OCA2: variants seen among roughly 807,000 people sequenced by gnomAD.
The protein encoded by OCA2 is P protein.
Under a neutral mutation model 100.2 loss-of-function variants are expected in OCA2, and 77 were observed. The observed-to-expected ratio is 0.77, with a 90% CI of 0.64 to 0.93. The LOEUF is 0.93. OCA2 is among the 40% of genes least tolerant of loss of function. The pLI is 0.00. For missense variants in OCA2, 1,062 were observed against 1,089.1 expected, an observed-to-expected ratio of 0.98 and a Z score of 0.35; for synonymous variants, 432 against 439.2, an observed-to-expected ratio of 0.98 and a Z score of 0.21.
intron 23 of OCA2, among the ~76,000 whole-genome samples, chr15:27,758,559 A>G (rs1477387614): frequency 6.6e-6 from 1 of 152,264 alleles, no homozygotes; most frequent in Non-Finnish European, 1.5e-5. Flanking sequence ...ATTTCAAAGC[A>G]GCTACCATAA....
intron 18 of OCA2, among the ~76,000 whole-genome samples, chr15:27,927,377 T>C (rs567020827): frequency 3.3e-5 from 5 of 152,360 alleles, no homozygotes; most frequent in African/African-American, 1.2e-4. Context: ...TGTGTGGCTA[T>C]ATTACAATGT....
chr15:27,888,114 C>A (rs2037307332), intron 19 of OCA2, among the ~76,000 whole-genome samples: 1 of 152,166 alleles, frequency 6.6e-6, no homozygotes, highest in Admixed American at 6.5e-5. Context: ...CTTCTGCAGA[C>A]CTGAAACTCC....
At chr15:27,814,892 A>AT (rs962075465) in intron 23 of OCA2, among the ~76,000 whole-genome samples, 1 of 79,532 alleles carries the variant, frequency 1.3e-5, no homozygotes, top group East Asian at 4.2e-4. Flanking sequence ...CTATAGATAG[A>AT]TAGATAGATA....
intron 18 of OCA2, among the ~76,000 whole-genome samples, chr15:27,941,054 T>G (rs1002615919): frequency 1.4e-4 from 22 of 152,216 alleles, no homozygotes; most frequent in African/African-American, 5.1e-4. Flanking sequence ...TTGGTCCCAA[T>G]ATTTCTAATA....
chr15:27,943,424 T>A (rs1184268396), intron 18 of OCA2, among the ~76,000 whole-genome samples: 1 of 152,174 alleles, frequency 6.6e-6, no homozygotes. Flanking sequence ...TACGCTTCTT[T>A]GACACATTTG....
intron 22 of OCA2, among the ~76,000 whole-genome samples, chr15:27,845,811 T>C (rs957880125): frequency 6.6e-6 from 1 of 152,152 alleles, no homozygotes; most frequent in Non-Finnish European, 1.5e-5. Context: ...AAGAGTCGCC[T>C]TCCATCTCCA....
At chr15:28,004,814 C>G (rs1483688677) in intron 9 of OCA2, among the ~76,000 whole-genome samples, 1 of 152,076 alleles carries the variant, frequency 6.6e-6, no homozygotes, top group East Asian at 1.9e-4. Context: ...TGCACTTAAA[C>G]AGTAATACAC....
At chr15:28,078,426 G>A (rs1205571406) in intron 2 of OCA2, among the ~76,000 whole-genome samples, 1 of 152,176 alleles carries the variant, frequency 6.6e-6, no homozygotes, top group African/African-American at 2.4e-5. Flanking sequence ...CTAACCAACA[G>A]AATACAGAAG....
At chr15:27,816,895 G>A (rs74005227) in intron 23 of OCA2, among the ~76,000 whole-genome samples, 10,719 of 152,066 alleles carry the variant, frequency 0.07, 501 homozygotes, top group African/African-American at 0.13. Context: ...ACTGCCCTCC[G>A]GAGCCACCCA....
chr15:28,089,673 A>G (rs73377787), intron 1 of OCA2, among the ~76,000 whole-genome samples: 6,181 of 152,316 alleles, frequency 0.041, 431 homozygotes, highest in African/African-American at 0.14. Context: ...GGATTGGCAG[A>G]GTGAATTTAA....
chr15:27,870,466 G>A (rs368670392), intron 21 of OCA2, among the ~76,000 whole-genome samples: 101 of 152,252 alleles, frequency 6.6e-4, no homozygotes, highest in South Asian at 2.5e-3. Flanking sequence ...CAGAAGTCAC[G>A]CCAGGAACAG....
intron 18 of OCA2, among the ~76,000 whole-genome samples, chr15:27,949,914 A>G (rs2039976081): frequency 6.6e-6 from 1 of 152,216 alleles, no homozygotes. Context: ...ATCCCCAGAT[A>G]AAATCACCTG....
chr15:28,019,329 GA>G (rs1323102310), intron 6 of OCA2, among the ~76,000 whole-genome samples: 1 of 146,164 alleles, frequency 6.8e-6, no homozygotes, highest in African/African-American at 2.4e-5. Flanking sequence ...GGGAGGAAGA[GA>G]AAGGAGAGCG....
At chr15:28,017,247 A>G (rs1244196367) in intron 7 of OCA2, among the ~76,000 whole-genome samples, 1 of 152,188 alleles carries the variant, frequency 6.6e-6, no homozygotes, top group African/African-American at 2.4e-5. Context: ...CCTTTAGTAA[A>G]GATCTCTTGG....
At chr15:27,840,996 C>G (rs961546447) in intron 23 of OCA2, among the ~76,000 whole-genome samples, 10 of 152,190 alleles carry the variant, frequency 6.6e-5, no homozygotes, top group Admixed American at 6.5e-4. Flanking sequence ...AGTGGATGAA[C>G]AGTCTACAGA....
At chr15:27,975,206 A>G (rs2040927616) in intron 14 of OCA2, among the ~76,000 whole-genome samples, 1 of 152,248 alleles carries the variant, frequency 6.6e-6, no homozygotes, top group South Asian at 2.1e-4. Context: ...CACCATGCCT[A>G]GGATTTTACA....
At chr15:28,071,949 A>G (rs897080157) in intron 2 of OCA2, among the ~76,000 whole-genome samples, 3 of 152,230 alleles carry the variant, frequency 2.0e-5, no homozygotes, top group African/African-American at 7.2e-5. Flanking sequence ...TGCACAGCAA[A>G]ATGAACTATC....
At chr15:27,847,552 G>A (rs1384342705) in intron 22 of OCA2, among the ~76,000 whole-genome samples, 1 of 152,058 alleles carries the variant, frequency 6.6e-6, no homozygotes, top group Non-Finnish European at 1.5e-5. Flanking sequence ...CCAAAGACAG[G>A]AGGCCACGGA....
chr15:28,083,443 G>C (rs921438829), intron 1 of OCA2, among the ~76,000 whole-genome samples: 2 of 152,192 alleles, frequency 1.3e-5, no homozygotes, highest in Non-Finnish European at 2.9e-5. Flanking sequence ...CCGAAGGCAG[G>C]CCATGTCGGC....
Sources: allele counts gnomAD v4.1 joint callset (sites outside exome capture counted in the v4.1 genomes callset), GRCh38; gene constraint gnomAD v4.1.1; transcripts MANE v1.5; gene names NCBI Gene and HGNC (gene_info 2026-07-23, HGNC 2026-07-21).